Variants in ZEB1 observed in about 807,000 individuals in gnomAD.
The protein encoded by ZEB1 is zinc finger E-box-binding homeobox 1.
ZEB1 carries 21 observed loss-of-function variants against 84.9 expected under a neutral mutation model. The observed-to-expected ratio is 0.25, with a 90% CI of 0.18 to 0.36. ZEB1 has a LOEUF of 0.36. ZEB1 is among the 10% of genes least tolerant of loss of function. ZEB1 has a pLI of 1.00. For synonymous variants in ZEB1, 420 were observed against 471.1 expected (o/e 0.89, Z 1.41); for missense variants, 1,104 against 1,330.2 (o/e 0.83, Z 2.65).
intron 1 of ZEB1, among the ~76,000 whole-genome samples, chr10:31,405,532 T>C (rs987324247): frequency 1.3e-5 from 2 of 152,150 alleles, no homozygotes; most frequent in Non-Finnish European, 2.9e-5. Context: ...GTGGTAATTG[T>C]TTCTTGCCTT....
intron 2 of ZEB1, among the ~76,000 whole-genome samples, chr10:31,461,446 TGAAATTTAGTAG>T (rs553677380): frequency 1.7e-3 from 264 of 152,262 alleles, no homozygotes; most frequent in African/African-American, 6.2e-3. Flanking sequence ...TATAATGTAT[TGAAATTTAGTAG>T]AATTTATTAA....
intron 1 of ZEB1, among the ~76,000 whole-genome samples, chr10:31,382,874 G>T (rs1200199620): frequency 6.6e-6 from 1 of 151,912 alleles, no homozygotes; most frequent in Non-Finnish European, 1.5e-5. Context: ...GACAGATTAA[G>T]AATATGAAAG....
intron 1 of ZEB1, among the ~76,000 whole-genome samples, chr10:31,335,675 TG>T (rs1194707608): frequency 1.3e-5 from 2 of 152,140 alleles, no homozygotes; most frequent in Non-Finnish European, 2.9e-5. Context: ...TTCCACTTCA[TG>T]GTAAAGTATT....
chr10:31,447,027 C>T (rs1278713122), intron 1 of ZEB1, among the ~76,000 whole-genome samples: 89 of 149,984 alleles, frequency 5.9e-4, no homozygotes, highest in African/African-American at 1.9e-3. Context: ...TAAAGTCTCC[C>T]ATTATTAATG....
intron 1 of ZEB1, chr10:31,355,224 C>T (rs2041928727): frequency 6.6e-6 from 1 of 152,104 alleles, no homozygotes; most frequent in African/African-American, 2.4e-5. Flanking sequence ...GCCCTAAAGT[C>T]ATACAGCAAG....
intron 1 of ZEB1, chr10:31,358,322 C>T (rs2042439399): frequency 6.6e-6 from 1 of 152,130 alleles, no homozygotes; most frequent in South Asian, 2.1e-4. Flanking sequence ...ACCACCTTCC[C>T]CCATCAAGCC....
intron 1 of ZEB1, among the ~76,000 whole-genome samples, chr10:31,364,571 G>A (rs978070683): frequency 1.9e-4 from 29 of 152,332 alleles, no homozygotes; most frequent in African/African-American, 6.5e-4. Context: ...CATGGCTGCC[G>A]TGGCCTCAAG....
chr10:31,369,851 C>G (rs527779314), intron 1 of ZEB1, among the ~76,000 whole-genome samples: 3 of 152,298 alleles, frequency 2.0e-5, no homozygotes, highest in African/African-American at 7.2e-5. Flanking sequence ...TATCATTTCT[C>G]CACACACTGT....
chr10:31,447,481 C>T (rs1335006997), intron 1 of ZEB1, among the ~76,000 whole-genome samples: 11 of 128,046 alleles, frequency 8.6e-5, no homozygotes, highest in African/African-American at 3.3e-4. Context: ...TGATTTTGCT[C>T]GTTAGTTCAT....
intron 1 of ZEB1, among the ~76,000 whole-genome samples, chr10:31,390,260 G>A (rs2049388352): frequency 6.6e-6 from 1 of 152,116 alleles, no homozygotes; most frequent in African/African-American, 2.4e-5. Context: ...CTTGAGAAGA[G>A]GACATCATCA....
At chr10:31,393,644 A>G (rs1039518035) in intron 1 of ZEB1, among the ~76,000 whole-genome samples, 3 of 152,216 alleles carry the variant, frequency 2.0e-5, no homozygotes, top group Non-Finnish European at 4.4e-5. Flanking sequence ...TTTTCGTGAC[A>G]TTAAAAACAA....
At chr10:31,453,048 T>C (rs1478343909) in intron 1 of ZEB1, among the ~76,000 whole-genome samples, 1 of 152,190 alleles carries the variant, frequency 6.6e-6, no homozygotes, top group African/African-American at 2.4e-5. Context: ...AAAAGTAGTC[T>C]GTTAGTTTTT....
chr10:31,397,095 A>C (rs2050882231), intron 1 of ZEB1, among the ~76,000 whole-genome samples: 1 of 147,836 alleles, frequency 6.8e-6, no homozygotes, highest in Non-Finnish European at 1.5e-5. Context: ...GGCTCACTGC[A>C]ACCTCCACCT....
rs568221888 is a variant in ZEB1, at chr10:31,330,300, A to G, written c.58+11008A>G. 2.0e-5 allele frequency among the ~76,000 whole-genome samples: 3 copies of G among 152,336 alleles called. No individual in the cohort carries two copies. The South Asian group carries it at 6.2e-4, about 32-fold the overall frequency. On this transcript the variant is annotated intron_variant, in intron 1 of 8. Transcript: ENST00000424869. ...CCAAAGCTCAGGATTATAGAGGAACACAAGTCCTACTTCCCTGGTTTTGAA... is the reference window on the plus strand; with the variant it reads ...CCAAAGCTCAGGATTATAGAGGAACGCAAGTCCTACTTCCCTGGTTTTGAA...
At chr10:31,461,263 T>C (rs375121990) in intron 2 of ZEB1, 26 bp downstream of exon 2, 114 of 1,584,344 alleles carry the variant, frequency 7.2e-5, no homozygotes, top group Non-Finnish European at 8.8e-5. Context: ...TTTTGTAATA[T>C]TGTATTCTCA....
chr10:31,511,899 C>T (rs1285288418), intron 5 of ZEB1, among the ~76,000 whole-genome samples: 1 of 152,106 alleles, frequency 6.6e-6, no homozygotes, highest in African/African-American at 2.4e-5. Context: ...CAACAGTACT[C>T]ATGAAATAAC....
chr10:31,524,772 T>C (rs756621941), intron 8 of ZEB1, among the ~76,000 whole-genome samples: 11 of 152,166 alleles, frequency 7.2e-5, no homozygotes, highest in Non-Finnish European at 1.5e-4. Flanking sequence ...GCTAAAGTCA[T>C]AGGGAGACAG....
In ZEB1 at chr10:31,520,212, A is replaced by G. The variant is rs1379977561; in HGVS notation, c.880A>G (p.Ile294Val). ...YSSHISSKKC[I>V]SLIPVNGRPR... Reference sequence around the variant, plus strand: ...CTCACACATAAGCAGTAAGAAATGTATCAGCTTGATACCTGTGAATGGGCG... The same window carrying G: ...CTCACACATAAGCAGTAAGAAATGTGTCAGCTTGATACCTGTGAATGGGCG... Residue 294 changes from isoleucine (I) to valine (V), a missense_variant, in exon 7 of 9, where the codon ATC becomes GTC. By Grantham distance (29) the Ile-to-Val change is conservative. This residue lies in a region of ZEB1 where 111 missense variants were observed against 161.8 expected (regional missense o/e 0.69). Coordinates refer to ENST00000424869, the MANE Select transcript of ZEB1 (RefSeq NM_001174096.2). This position sits in a 1 kb window ranked among gnomAD's most constrained non-coding sequence, Gnocchi z 5.1. The G allele has an allele frequency of 1.2e-6, 2 of 1,613,992 alleles. No individual in the cohort carries two copies. Among genetic ancestry groups the G allele is most frequent in the South Asian group, 1.1e-5 (1 of 91,086 alleles).
intron 1 of ZEB1, among the ~76,000 whole-genome samples, chr10:31,397,412 T>G (rs1283168395): frequency 6.6e-6 from 1 of 152,028 alleles, no homozygotes; most frequent in Non-Finnish European, 1.5e-5. Context: ...TGGCTTTCAG[T>G]AAAAGGACAG....
Sources: gnomAD v4.1 joint callset for allele counts (sites outside exome capture counted in the v4.1 genomes callset) on GRCh38, gnomAD v4.1.1 for gene constraint, gnomAD v4.1.1 regional missense constraint, Gnocchi (gnomAD v3.1) non-coding constraint, MANE v1.5 for transcripts, NCBI Gene and HGNC (gene_info 2026-07-23, HGNC 2026-07-21) for gene names.